Variants in G2E3 observed in about 807,000 individuals in gnomAD.
G2E3 encodes G2/M phase-specific E3 ubiquitin-protein ligase.
G2E3 carries 35 observed loss-of-function variants against 92.8 expected under a neutral mutation model. That is an observed-to-expected ratio of 0.38 (90% CI 0.29 to 0.50). The LOEUF (loss-of-function observed/expected upper bound fraction) is 0.50. G2E3 is among the 20% of genes least tolerant of loss of function. The probability of loss-of-function intolerance (pLI) is 0.94; values close to 1 mark genes in which losing one functional copy is unlikely to be tolerated. For missense variants in G2E3, 554 were observed against 823.8 expected (o/e 0.67, Z 4.01); for synonymous variants, 242 against 272.4 (o/e 0.89, Z 1.10).
chr14:30,597,849 AT>A (rs1354838822), intron 7 of G2E3, among the ~76,000 whole-genome samples: 2 of 152,310 alleles, frequency 1.3e-5, no homozygotes, highest in Admixed American at 6.5e-5. Context: ...ATATGTAAGA[AT>A]TTTTTTAATA....
At chr14:30,560,935 G>T in intron 1 of G2E3, 1 of 624,522 alleles carries the variant, frequency 1.6e-6, no homozygotes, top group Non-Finnish European at 2.9e-6. Context: ...ACTGGGGCCA[G>T]ATTGCCTTGG....
At chr14:30,589,636 C>T (rs1485606421) in intron 4 of G2E3, 152 bp downstream of exon 4, 2 of 549,476 alleles carry the variant, frequency 3.6e-6, no homozygotes, top group Middle Eastern at 3.9e-4. Flanking sequence ...TTTAGGAGGA[C>T]AGTTTATATT....
chr14:30,565,790 T>G (rs563035422), intron 1 of G2E3, among the ~76,000 whole-genome samples: 5 of 150,954 alleles, frequency 3.3e-5, no homozygotes, highest in African/African-American at 1.2e-4. Flanking sequence ...GCCTCCCAAG[T>G]AGCTGGGACT....
At chr14:30,604,044 A>T (rs949725704) in intron 10 of G2E3, among the ~76,000 whole-genome samples, 1 of 152,170 alleles carries the variant, frequency 6.6e-6, no homozygotes, top group African/African-American at 2.4e-5. Context: ...ATCAAAATAG[A>T]TGTTCACATT....
Position 30,597,333 on chromosome 14 carries a change from T to G in G2E3, c.529-87T>G, listed in dbSNP as rs557320984. 3.9e-6 allele frequency: 3 copies of G among 765,052 alleles called. No homozygotes were observed. In the South Asian group the frequency reaches 4.6e-5, roughly 12 times the overall value. The allele number at this position is 765,052 out of a possible 1,614,324, so 47.4% of individuals were successfully genotyped here. The stretch of plus-strand genomic sequence containing the variant: ...AGAAAATGTTTTCATAATATATTGT[T>G]AAAAATAGCACATGTTCTGTTACAT... On this transcript the variant is annotated intron_variant, in intron 6 of 14. Coordinates refer to ENST00000206595, the MANE Select transcript of G2E3 (RefSeq NM_017769.5).
intron 1 of G2E3, among the ~76,000 whole-genome samples, chr14:30,569,351 T>G (rs1369620119): frequency 6.6e-6 from 1 of 152,148 alleles, no homozygotes. Flanking sequence ...AATAGGTAGG[T>G]ATTATCATCT....
chr14:30,610,671 G>GT (rs1882046589), intron 12 of G2E3, among the ~76,000 whole-genome samples: 1 of 152,146 alleles, frequency 6.6e-6, no homozygotes, highest in Admixed American at 6.5e-5. Context: ...ATGGATAAGG[G>GT]TTGGAGTATA....
chr14:30,601,726 G>C, intron 8 of G2E3, 44 bp from the exon 9 acceptor site: 1 of 1,609,224 alleles, frequency 6.2e-7, no homozygotes, highest in Non-Finnish European at 8.5e-7. Flanking sequence ...GTTGAAACTA[G>C]AATAATAACA....
intron 13 of G2E3, among the ~76,000 whole-genome samples, chr14:30,613,719 CT>C (rs890172953): frequency 1.3e-5 from 2 of 150,764 alleles, no homozygotes; most frequent in Admixed American, 1.3e-4. Flanking sequence ...TAAAATCAAA[CT>C]TTTTTTTAAA....
intron 6 of G2E3, among the ~76,000 whole-genome samples, chr14:30,597,016 T>C (rs1173783311): frequency 2.0e-5 from 3 of 152,218 alleles, no homozygotes; most frequent in Admixed American, 6.5e-5. Context: ...GTCTTAGAGA[T>C]TGAGTTAAAA....
At chr14:30,609,504 A>C (rs188254687) in intron 12 of G2E3, among the ~76,000 whole-genome samples, 79 of 152,122 alleles carry the variant, frequency 5.2e-4, no homozygotes, top group African/African-American at 1.5e-3. Context: ...AATGCTTCTT[A>C]CTTCTTCTTA....
In G2E3 at chr14:30,562,014, TTTG is replaced by T. The variant is rs1222587542; in HGVS notation, c.-5+2745_-5+2747del. On this transcript the variant is annotated intron_variant, in intron 1 of 14. Coordinates refer to ENST00000206595, the MANE Select transcript of G2E3 (RefSeq NM_017769.5). ...AAGTGGCAAAAAATCAGGAGCAATG[TTTG>T]TTAATATTCATGAATTTAAAATGCT... 3.3e-5 allele frequency among the ~76,000 whole-genome samples: 5 copies of T among 152,184 alleles called. No individual in the cohort carries two copies. In the East Asian group the frequency reaches 9.6e-4, roughly 29 times the overall value.
At chr14:30,562,726 A>G (rs1045571627) in intron 1 of G2E3, among the ~76,000 whole-genome samples, 2 of 152,142 alleles carry the variant, frequency 1.3e-5, no homozygotes, top group South Asian at 2.1e-4. Flanking sequence ...CTGTGCTTCA[A>G]TGGTCACACT....
At chr14:30,605,321 A>G (rs1213864099) in intron 10 of G2E3, among the ~76,000 whole-genome samples, 184 bp from the exon 11 acceptor site, 1 of 152,218 alleles carries the variant, frequency 6.6e-6, no homozygotes, top group African/African-American at 2.4e-5. Context: ...ATTTAAAACT[A>G]AGATTATCAA....
At chr14:30,604,768 A>T (rs896273138) in intron 10 of G2E3, among the ~76,000 whole-genome samples, 1 of 152,234 alleles carries the variant, frequency 6.6e-6, no homozygotes, top group African/African-American at 2.4e-5. Flanking sequence ...GTAAGGAGAG[A>T]TTACATTTGC....
At chr14:30,612,150 G>A in intron 12 of G2E3, 57 bp from the exon 13 acceptor site, 1 of 1,195,556 alleles carries the variant, frequency 8.4e-7, no homozygotes, top group Non-Finnish European at 1.2e-6. Flanking sequence ...CATTTGAAAT[G>A]TGCATGTCAC....
At chr14:30,563,420 T>A (rs1298908502) in intron 1 of G2E3, among the ~76,000 whole-genome samples, 1 of 151,948 alleles carries the variant, frequency 6.6e-6, no homozygotes, top group Non-Finnish European at 1.5e-5. Context: ...CCAACAAAAC[T>A]GGTACAGGTA....
intron 8 of G2E3, among the ~76,000 whole-genome samples, chr14:30,600,879 A>G (rs988194020): frequency 2.6e-5 from 4 of 152,202 alleles, no homozygotes; most frequent in Admixed American, 6.5e-5. Context: ...TGGAAGTGAC[A>G]GTGGTTCTCT....
At chr14:30,592,864 A>G (rs1180572030) in intron 5 of G2E3, among the ~76,000 whole-genome samples, 2 of 152,292 alleles carry the variant, frequency 1.3e-5, no homozygotes, top group South Asian at 2.1e-4. Context: ...AGTAAATATT[A>G]TGCCCTAGGA....
Sources: gnomAD v4.1 joint callset for allele counts (sites outside exome capture counted in the v4.1 genomes callset) on GRCh38, gnomAD v4.1.1 for gene constraint, MANE v1.5 for transcripts, NCBI Gene and HGNC (gene_info 2026-07-23, HGNC 2026-07-21) for gene names.